Variants in DPYSL3 observed in about 807,000 individuals in gnomAD.
DPYSL3 encodes the protein dihydropyrimidinase like 3, also known as dihydropyrimidinase-related protein 3.
A neutral mutation model predicts 66.1 loss-of-function variants in DPYSL3; 16 were observed. The observed-to-expected ratio is 0.24, with a 90% CI of 0.16 to 0.37. DPYSL3 has a LOEUF of 0.37. DPYSL3 is among the 10% of genes least tolerant of loss of function. The probability of loss-of-function intolerance (pLI) is 1.00; values close to 1 mark genes in which losing one functional copy is unlikely to be tolerated. For missense variants in DPYSL3, 738 were observed against 916.2 expected, an observed-to-expected ratio of 0.81 and a Z score of 2.51; for synonymous variants, 338 against 345.1, an observed-to-expected ratio of 0.98 and a Z score of 0.23.
At chr5:147,420,827 G>A (rs1351988243) in intron 2 of DPYSL3, among the ~76,000 whole-genome samples, 2 of 152,246 alleles carry the variant, frequency 1.3e-5, no homozygotes, top group East Asian at 3.9e-4. Context: ...TAGAAATGGC[G>A]AAAAGGAATC....
intron 6 of DPYSL3, 110 bp downstream of exon 6, chr5:147,412,498 T>C (rs1253233152): frequency 4.7e-6 from 5 of 1,060,090 alleles, no homozygotes; most frequent in Non-Finnish European, 7.1e-6. Context: ...TTTAGCAAGG[T>C]ACTTATGATG....
At chr5:147,492,415 A>G (rs1006888045) in intron 1 of DPYSL3, among the ~76,000 whole-genome samples, 1 of 152,140 alleles carries the variant, frequency 6.6e-6, no homozygotes, top group East Asian at 1.9e-4. Context: ...TATCTAACAG[A>G]TAACAGTTTA....
chr5:147,397,806 C>T lies in DPYSL3; in HGVS notation c.1663G>A (p.Gly555Arg). 1.2e-6 allele frequency: 2 copies of T among 1,613,764 alleles called. No homozygotes were observed. The highest frequency in any genetic ancestry group is 1.7e-6 in the Non-Finnish European group (2 of 1,179,946). ...YNIFEGMELR[G>R]APLVVICQGK... is the part of the protein sequence containing the mutation. ...TGGCAGATGACAACCAGAGGAGCCCCGCGCAGCTCCATCCCTTCAAAGATG... is the reference window on the plus strand; with the variant it reads ...TGGCAGATGACAACCAGAGGAGCCCTGCGCAGCTCCATCCCTTCAAAGATG... The change falls in exon 12 of 14, where the codon GGG (glycine) becomes AGG (arginine). Residue 555 changes from glycine (G) to arginine (R), a missense_variant. Physicochemically the swap from Gly to Arg is moderately radical, Grantham distance 125 (BLOSUM62 -2). Coordinates refer to ENST00000343218, the MANE Select transcript of DPYSL3 (RefSeq NM_001197294.2).
At chr5:147,468,680 A>C (rs987655784) in intron 1 of DPYSL3, among the ~76,000 whole-genome samples, 3 of 152,036 alleles carry the variant, frequency 2.0e-5, no homozygotes, top group African/African-American at 4.8e-5. Context: ...TGCCATAGAA[A>C]GTTGATTTGA....
intron 1 of DPYSL3, among the ~76,000 whole-genome samples, chr5:147,494,593 C>T (rs1485025156): frequency 6.6e-6 from 1 of 150,938 alleles, no homozygotes; most frequent in Non-Finnish European, 1.5e-5. Context: ...AGGCCGGGCC[C>T]GGTGGCTCAC....
At chr5:147,480,483 T>C (rs1467479127) in intron 1 of DPYSL3, among the ~76,000 whole-genome samples, 4 of 152,284 alleles carry the variant, frequency 2.6e-5, no homozygotes. Context: ...AAGCACCTAG[T>C]AGGGTCTCTG....
chr5:147,480,125 C>T (rs1375168144), intron 1 of DPYSL3, among the ~76,000 whole-genome samples: 2 of 152,152 alleles, frequency 1.3e-5, no homozygotes, highest in Admixed American at 6.5e-5. Context: ...AAACAGAAGG[C>T]AGCACGTAGA....
At chr5:147,499,535 ACT>A (rs1020002789) in intron 1 of DPYSL3, among the ~76,000 whole-genome samples, 10 of 152,292 alleles carry the variant, frequency 6.6e-5, no homozygotes, top group African/African-American at 2.4e-4. Flanking sequence ...AAGCTACAAA[ACT>A]CTGATGAAAG....
At chr5:147,490,652 C>A (rs1753401659) in intron 1 of DPYSL3, among the ~76,000 whole-genome samples, 1 of 152,126 alleles carries the variant, frequency 6.6e-6, no homozygotes, top group African/African-American at 2.4e-5. Context: ...TTTTCTTAGA[C>A]CTGGCAGAGA....
intron 1 of DPYSL3, among the ~76,000 whole-genome samples, chr5:147,490,123 C>T (rs1753393746): frequency 6.6e-6 from 1 of 152,140 alleles, no homozygotes; most frequent in Non-Finnish European, 1.5e-5. Context: ...CAACTGCCTC[C>T]ATCCCAGGCT....
rs1753637903 is a variant in DPYSL3, at chr5:147,503,042, C to A, written c.381+6436G>T. Among the ~76,000 whole-genome samples the A allele has an allele frequency of 1.3e-5, 2 of 152,136 alleles. 1 individual carries two copies. Among genetic ancestry groups the A allele is most frequent in the South Asian group, 4.1e-4 (2 of 4,822 alleles). On this transcript the variant is annotated intron_variant, in intron 1 of 13. Transcript: ENST00000343218. ...GGTCTGTAGCCTCATCACAAGCCTTCAACAGTTTTGAACTGTCTCTCAAAA... is the reference window on the plus strand; with the variant it reads ...GGTCTGTAGCCTCATCACAAGCCTTAAACAGTTTTGAACTGTCTCTCAAAA...
rs1753719628 is a variant in DPYSL3, at chr5:147,509,046, G to A, written c.381+432C>T. On this transcript the variant is annotated intron_variant, in intron 1 of 13. Coordinates refer to ENST00000343218, the MANE Select transcript of DPYSL3 (RefSeq NM_001197294.2). This position sits in a 1 kb window ranked among gnomAD's most constrained non-coding sequence, Gnocchi z 5.3. ...TATGGAGATGACCCCCATATTCCCA[G>A]CATCACTTTGCCCTCTGCCGTGGTG... Among the ~76,000 whole-genome samples the A allele has an allele frequency of 6.6e-6, 1 of 152,146 alleles. No individual in the cohort carries two copies. The highest frequency in any genetic ancestry group is 1.5e-5 in the Non-Finnish European group (1 of 68,030).
chr5:147,501,879 T>A (rs1753617582), intron 1 of DPYSL3, among the ~76,000 whole-genome samples: 1 of 152,152 alleles, frequency 6.6e-6, no homozygotes, highest in Non-Finnish European at 1.5e-5. Context: ...GACAGGGGTA[T>A]ATGGGAAGTA....
intron 1 of DPYSL3, among the ~76,000 whole-genome samples, chr5:147,508,845 C>T (rs1753716892): frequency 6.6e-6 from 1 of 152,158 alleles, no homozygotes; most frequent in Non-Finnish European, 1.5e-5. Context: ...AAGCTATGTA[C>T]ACAAATACAC....
At chr5:147,501,719 T>A (rs1418221763) in intron 1 of DPYSL3, among the ~76,000 whole-genome samples, 2 of 152,074 alleles carry the variant, frequency 1.3e-5, no homozygotes, top group Non-Finnish European at 2.9e-5. Flanking sequence ...CCTGAGGTGA[T>A]CCACCCACCT....
chr5:147,394,487 C>G (rs1427304454), intron 13 of DPYSL3, among the ~76,000 whole-genome samples: 4 of 152,104 alleles, frequency 2.6e-5, no homozygotes, highest in Non-Finnish European at 5.9e-5. Context: ...AGAGAGGTGC[C>G]CTTATCTGTT....
chr5:147,433,769 C>T (rs139629520), intron 1 of DPYSL3, among the ~76,000 whole-genome samples: 5,173 of 152,264 alleles, frequency 0.034, 211 homozygotes, highest in East Asian at 0.12. Context: ...CGCAGTGGCT[C>T]ACGCCTGTAA....
At chr5:147,457,858 G>A (rs1752875689) in intron 1 of DPYSL3, among the ~76,000 whole-genome samples, 1 of 152,218 alleles carries the variant, frequency 6.6e-6, no homozygotes, top group Admixed American at 6.5e-5. Flanking sequence ...CACAGTCACT[G>A]AAGAGGAGAA....
At chr5:147,452,030 C>T (rs1027813484) in intron 1 of DPYSL3, among the ~76,000 whole-genome samples, 1 of 152,172 alleles carries the variant, frequency 6.6e-6, no homozygotes, top group African/African-American at 2.4e-5. Context: ...AGGATCCCTG[C>T]TGGCCTCAAC....
Sources: allele counts gnomAD v4.1 joint callset (sites outside exome capture counted in the v4.1 genomes callset), GRCh38; gene constraint gnomAD v4.1.1; non-coding constraint Gnocchi (gnomAD v3.1); transcripts MANE v1.5; gene names NCBI Gene and HGNC (gene_info 2026-07-23, HGNC 2026-07-21).